The following TAS2R1 variants were observed in gnomAD, a reference collection of about 807,000 sequenced individuals.
The protein encoded by TAS2R1 is taste 2 receptor member 1.
For missense variants in TAS2R1, 370 were observed against 353.4 expected (o/e 1.05, Z -0.38); for synonymous variants, 141 against 134.2 (o/e 1.05, Z -0.35).
chr5:9,808,663 G>C, the TAS2R1 span, among the ~76,000 whole-genome samples: 1 of 151,896 alleles, frequency 6.6e-6, no homozygotes, highest in Non-Finnish European at 1.5e-5. Flanking sequence ...AAAAGAAACA[G>C]AGAAAATGAG....
At position 9,628,936 on chromosome 5, in the gene TAS2R1, A is replaced by G. The variant is rs552034626; in HGVS notation, c.*197T>C. On this transcript the variant is annotated 3_prime_UTR_variant, in exon 1 of 1. Transcript: ENST00000382492. ...ATTGAAATTGATGTAATCCATCAACATATGTTGTGCTTTCAAAATCAGTTT... is the reference window on the plus strand; with the variant it reads ...ATTGAAATTGATGTAATCCATCAACGTATGTTGTGCTTTCAAAATCAGTTT... The G allele has an allele frequency of 1.6e-5, 8 of 487,842 alleles. No homozygotes were observed. Among genetic ancestry groups the G allele is most frequent in the East Asian group, 1.2e-4 (4 of 32,628 alleles). The allele number at this position is 487,842 out of a possible 1,614,324, so 30.2% of individuals were successfully genotyped here. A position where few individuals can be genotyped will look rare whatever the true frequency, so the allele number is the denominator to read the frequency against.
At chr5:9,886,415 A>C in the TAS2R1 span, among the ~76,000 whole-genome samples, 1 of 149,264 alleles carries the variant, frequency 6.7e-6, no homozygotes, top group African/African-American at 2.5e-5. Flanking sequence ...GCTCACTGCA[A>C]ACTCCACCTC....
intron 1 of TAS2R1, among the ~76,000 whole-genome samples, chr5:9,664,190 C>T (rs1229021661): frequency 6.6e-6 from 1 of 152,150 alleles, no homozygotes; most frequent in East Asian, 1.9e-4. Context: ...TTGGCACTCC[C>T]CAACAAGCGA....
chr5:9,647,382 T>C (rs1055754905), intron 2 of TAS2R1, among the ~76,000 whole-genome samples: 2 of 152,150 alleles, frequency 1.3e-5, no homozygotes, highest in Admixed American at 1.3e-4. Context: ...GTGGATGTTA[T>C]CCACAGTGGC....
the TAS2R1 span, among the ~76,000 whole-genome samples, chr5:9,822,503 C>T: frequency 3.3e-5 from 5 of 152,000 alleles, no homozygotes; most frequent in Admixed American, 3.3e-4. Context: ...GTGTGTGCCA[C>T]CACGCCTGGC....
chr5:9,743,168 A>G, the TAS2R1 span, among the ~76,000 whole-genome samples: 3 of 152,186 alleles, frequency 2.0e-5, no homozygotes, highest in African/African-American at 7.2e-5. Flanking sequence ...TAACTTTACC[A>G]ACCAACTCTC....
chr5:9,777,859 G>C, the TAS2R1 span, among the ~76,000 whole-genome samples: 1 of 150,524 alleles, frequency 6.6e-6, no homozygotes, highest in Admixed American at 6.7e-5. Flanking sequence ...CTCCATCAGA[G>C]CTTTTGGGAG....
At chr5:9,787,475 ACAAGAT>A in the TAS2R1 span, among the ~76,000 whole-genome samples, 1 of 152,230 alleles carries the variant, frequency 6.6e-6, no homozygotes, top group Non-Finnish European at 1.5e-5. Flanking sequence ...TGATGGAAAT[ACAAGAT>A]ACAAGTGGTC....
At chr5:9,737,263 G>A in the TAS2R1 span, among the ~76,000 whole-genome samples, 2 of 152,148 alleles carry the variant, frequency 1.3e-5, no homozygotes, top group African/African-American at 4.8e-5. Flanking sequence ...CACAATGGGG[G>A]TGTTCACTTA....
the TAS2R1 span, among the ~76,000 whole-genome samples, chr5:9,756,504 G>C: frequency 6.6e-6 from 1 of 152,136 alleles, no homozygotes; most frequent in African/African-American, 2.4e-5. Context: ...ACAAACTCAA[G>C]AGGAGGTTAA....
the TAS2R1 span, among the ~76,000 whole-genome samples, chr5:9,819,210 GGC>G: frequency 6.6e-6 from 1 of 152,072 alleles, no homozygotes; most frequent in Non-Finnish European, 1.5e-5. Context: ...GATGGTAAAT[GGC>G]GACTCAAAGA....
intron 1 of TAS2R1, among the ~76,000 whole-genome samples, chr5:9,684,985 C>G (rs1349731388): frequency 6.6e-6 from 1 of 152,164 alleles, no homozygotes; most frequent in Non-Finnish European, 1.5e-5. Context: ...ACCACACAGA[C>G]CCCGGGAGCA....
chr5:9,756,809 A>G, the TAS2R1 span, among the ~76,000 whole-genome samples: 1 of 152,228 alleles, frequency 6.6e-6, no homozygotes, highest in Non-Finnish European at 1.5e-5. Flanking sequence ...TGATTAGATC[A>G]TAAGCACCTG....
At chr5:9,822,348 T>A in the TAS2R1 span, among the ~76,000 whole-genome samples, 1 of 22,796 alleles carries the variant, frequency 4.4e-5, no homozygotes, top group African/African-American at 7.0e-5. Context: ...ATGTGTAATT[T>A]TTTTTTTTTT....
intron 2 of TAS2R1, chr5:9,641,813 G>A (rs1740090791): frequency 6.6e-6 from 1 of 152,242 alleles, no homozygotes; most frequent in Non-Finnish European, 1.5e-5. Flanking sequence ...GTTTTAGTGA[G>A]AAGGGCACAT....
chr5:9,773,028 A>C, the TAS2R1 span, among the ~76,000 whole-genome samples: 1 of 152,040 alleles, frequency 6.6e-6, no homozygotes, highest in Non-Finnish European at 1.5e-5. Context: ...GATAAGTAAG[A>C]ATATACTCCT....
the TAS2R1 span, among the ~76,000 whole-genome samples, chr5:9,814,378 T>A: frequency 6.6e-6 from 1 of 152,226 alleles, no homozygotes; most frequent in Non-Finnish European, 1.5e-5. Context: ...AAGAATGTTC[T>A]CTTATCTAAG....
At chr5:9,881,056 G>A in the TAS2R1 span, among the ~76,000 whole-genome samples, 135 of 152,188 alleles carry the variant, frequency 8.9e-4, no homozygotes, top group African/African-American at 3.1e-3. Flanking sequence ...TGGCTCTGAG[G>A]GATCCAGGCA....
the TAS2R1 span, among the ~76,000 whole-genome samples, chr5:9,854,886 T>C: frequency 6.6e-6 from 1 of 152,162 alleles, no homozygotes; most frequent in Non-Finnish European, 1.5e-5. Flanking sequence ...AAGATTTGAG[T>C]TGCCATTTTC....
Sources: gnomAD v4.1 joint callset for allele counts (sites outside exome capture counted in the v4.1 genomes callset) on GRCh38, gnomAD v4.1.1 for gene constraint, MANE v1.5 for transcripts, NCBI Gene and HGNC (gene_info 2026-07-23, HGNC 2026-07-21) for gene names.